Variants in ALK observed in about 807,000 individuals in gnomAD.
The protein encoded by ALK is ALK receptor tyrosine kinase.
A neutral mutation model predicts 163.1 loss-of-function variants in ALK; 74 were observed. The ratio of observed to expected loss-of-function variants is 0.45; its 90% CI spans 0.38 to 0.55. ALK has a LOEUF of 0.55. Among genes scored for constraint, ALK ranks in the 20% least tolerant of loss-of-function variants. The pLI is 0.00. For synonymous variants in ALK, 960 were observed against 843.2 expected, an observed-to-expected ratio of 1.14 and a Z score of -2.40; for missense variants, 2,063 against 2,105.3, an observed-to-expected ratio of 0.98 and a Z score of 0.39.
chr2:29,641,345 C>T (rs1676695349), intron 3 of ALK, among the ~76,000 whole-genome samples: 1 of 151,934 alleles, frequency 6.6e-6, no homozygotes, highest in African/African-American at 2.4e-5. Context: ...CTTGAATGAA[C>T]AGTAGGTCAG....
chr2:29,601,705 C>G (rs940252506), intron 3 of ALK, among the ~76,000 whole-genome samples: 2 of 152,070 alleles, frequency 1.3e-5, no homozygotes, highest in African/African-American at 4.8e-5. Context: ...GAAAGTCATG[C>G]AAATGGGTAC....
intron 3 of ALK, among the ~76,000 whole-genome samples, chr2:29,623,812 C>T (rs139495248): frequency 9.0e-4 from 137 of 152,248 alleles, no homozygotes; most frequent in African/African-American, 3.2e-3. Flanking sequence ...GCTTATACTA[C>T]CTTTATAACA....
At chr2:29,452,651 T>C (rs1670851628) in intron 4 of ALK, among the ~76,000 whole-genome samples, 1 of 152,200 alleles carries the variant, frequency 6.6e-6, no homozygotes, top group Admixed American at 6.5e-5. Context: ...TAATTAATTA[T>C]AATGGAGAAA....
intron 3 of ALK, among the ~76,000 whole-genome samples, chr2:29,627,625 C>A (rs1401203671): frequency 3.3e-5 from 5 of 152,158 alleles, no homozygotes; most frequent in African/African-American, 1.2e-4. Flanking sequence ...TGAGTCATGT[C>A]TTGTTTGTTA....
chr2:29,767,572 G>C (rs987694292), intron 1 of ALK, among the ~76,000 whole-genome samples: 11 of 152,180 alleles, frequency 7.2e-5, no homozygotes, highest in African/African-American at 2.4e-4. Flanking sequence ...ACTTCATGGA[G>C]GGCCTAATGG....
At chr2:29,231,508 A>C (rs1348403592) in intron 15 of ALK, among the ~76,000 whole-genome samples, 1 of 152,186 alleles carries the variant, frequency 6.6e-6, no homozygotes, top group Non-Finnish European at 1.5e-5. Context: ...ACAGAGGCAG[A>C]GGTGCTTCAG....
intron 1 of ALK, among the ~76,000 whole-genome samples, chr2:29,913,344 A>T (rs540175664): frequency 6.6e-6 from 1 of 152,318 alleles, no homozygotes; most frequent in South Asian, 2.1e-4. Context: ...AAATACAATT[A>T]ATCAAAAAGC....
intron 1 of ALK, among the ~76,000 whole-genome samples, chr2:29,865,204 G>A (rs191749026): frequency 9.6e-4 from 146 of 152,288 alleles, no homozygotes; most frequent in African/African-American, 3.1e-3. Context: ...GACTGCTATT[G>A]TGCAACTTCC....
chr2:29,694,543 A>T (rs543168236), intron 3 of ALK, among the ~76,000 whole-genome samples: 86 of 152,342 alleles, frequency 5.6e-4, no homozygotes, highest in Non-Finnish European at 1.5e-4. Context: ...CTTGTATTTT[A>T]TCTGGCAATC....
chr2:29,366,117 A>G (rs1668500135), intron 5 of ALK, among the ~76,000 whole-genome samples: 1 of 152,178 alleles, frequency 6.6e-6, no homozygotes, highest in Non-Finnish European at 1.5e-5. Context: ...TTGAGTCTAA[A>G]AAGCTAAACT....
rs112163348 is a variant in ALK, at chr2:29,872,288, T to C, written c.667+47705A>G. Among the ~76,000 whole-genome samples the C allele has an allele frequency of 3.7e-3, 559 of 152,294 alleles. 5 individuals are homozygous for C. The highest frequency in any genetic ancestry group is 0.013 in the African/African-American group (530 of 41,560). On this transcript the variant is annotated intron_variant, in intron 1 of 28. Transcript: ENST00000389048. ...AGCTGAACTGCAGAGAGCATGATAT[T>C]AAGGACATCCTGAAATCCTTCCAAG...
intron 2 of ALK, among the ~76,000 whole-genome samples, chr2:29,696,457 A>C (rs552509831): frequency 2.2e-4 from 33 of 151,408 alleles, no homozygotes; most frequent in Non-Finnish European, 1.6e-4. Flanking sequence ...TGGGTGCAGC[A>C]AACCACCATG....
intron 4 of ALK, among the ~76,000 whole-genome samples, chr2:29,504,888 T>C (rs943235789): frequency 3.9e-5 from 6 of 152,144 alleles, no homozygotes; most frequent in African/African-American, 1.4e-4. Flanking sequence ...ACCATCCTAA[T>C]AGAAGGCCAC....
In ALK at chr2:29,676,833, T is replaced by A. The variant is rs549405954; in HGVS notation, c.952+18017A>T. 3.4e-4 allele frequency among the ~76,000 whole-genome samples: 51 copies of A among 151,730 alleles called. 1 individual carries two copies. Among genetic ancestry groups the A allele is most frequent in the African/African-American group, 9.7e-4 (40 of 41,204 alleles). On this transcript the variant is annotated intron_variant, in intron 3 of 28. Coordinates refer to ENST00000389048, the MANE Select transcript of ALK (RefSeq NM_004304.5). ...TTTCAGCAATATGCAATTTTTAATG[T>A]ATGCAGCTTGCACTTGTTTTGTTAA...
chr2:29,909,462 C>T (rs1161258395), intron 1 of ALK, among the ~76,000 whole-genome samples: 1 of 142,260 alleles, frequency 7.0e-6, no homozygotes, highest in Admixed American at 7.3e-5. Context: ...CATACACACA[C>T]AGAGAGAGAC....
At chr2:29,537,189 A>G (rs1156984620) in intron 3 of ALK, among the ~76,000 whole-genome samples, 4 of 152,256 alleles carry the variant, frequency 2.6e-5, no homozygotes, top group African/African-American at 9.6e-5. Flanking sequence ...AAGGGAGCCA[A>G]GGGCTAATAT....
chr2:29,360,806 T>C (rs956339436), intron 5 of ALK, among the ~76,000 whole-genome samples: 21 of 152,200 alleles, frequency 1.4e-4, no homozygotes, highest in African/African-American at 5.1e-4. Context: ...TTATGTGCTT[T>C]CTAGTTGGTA....
chr2:29,876,083 T>G (rs1666697775), intron 1 of ALK, among the ~76,000 whole-genome samples: 1 of 152,244 alleles, frequency 6.6e-6, no homozygotes, highest in African/African-American at 2.4e-5. Flanking sequence ...GATTATATTC[T>G]GTTATCTACC....
chr2:29,385,209 A>T lies in ALK; in HGVS notation c.1155-1350T>A, dbSNP rs187326518. Among the ~76,000 whole-genome samples the T allele has an allele frequency of 4.6e-4, 70 of 152,074 alleles. 1 individual carries two copies. The East Asian group carries it at 0.011, about 25-fold the overall frequency. On this transcript the variant is annotated intron_variant, in intron 4 of 28. Coordinates refer to ENST00000389048, the MANE Select transcript of ALK (RefSeq NM_004304.5). ...GAAAAACTAGCTTTCCATTAAATAA[A>T]TTTTTTTAAATATTTCCACCCCCTA...
Sources: gnomAD v4.1 joint callset for allele counts (sites outside exome capture counted in the v4.1 genomes callset) on GRCh38, gnomAD v4.1.1 for gene constraint, MANE v1.5 for transcripts, NCBI Gene and HGNC (gene_info 2026-07-23, HGNC 2026-07-21) for gene names.